The following LPCAT2 variants were observed in gnomAD, a reference collection of about 807,000 sequenced individuals.
LPCAT2 encodes lysophosphatidylcholine acyltransferase 2.
Under a neutral mutation model 64.7 loss-of-function variants are expected in LPCAT2, and 58 were observed. The ratio of observed to expected loss-of-function variants is 0.90; its 90% CI spans 0.73 to 1.12. LPCAT2 has a LOEUF of 1.12. Among genes scored for constraint, LPCAT2 ranks in the 50% most tolerant of loss-of-function variants. The pLI is 0.00. For missense variants in LPCAT2, 579 were observed against 669.8 expected (o/e 0.86, Z 1.50); for synonymous variants, 252 against 245.3 (o/e 1.03, Z -0.26).
intron 1 of LPCAT2, among the ~76,000 whole-genome samples, chr16:55,511,213 C>G: frequency 6.6e-6 from 1 of 152,046 alleles, no homozygotes; most frequent in Non-Finnish European, 1.5e-5. Context: ...TATATATTTT[C>G]TACAAAGTAT....
intron 8 of LPCAT2, chr16:55,539,220 C>T (rs1487087086): frequency 6.6e-5 from 10 of 150,512 alleles, no homozygotes; most frequent in Non-Finnish European, 1.2e-4. Context: ...CCATTATTAC[C>T]ACATTTCCTT....
At chr16:55,519,336 T>TAA (rs35728673) in intron 1 of LPCAT2, among the ~76,000 whole-genome samples, 20 of 138,796 alleles carry the variant, frequency 1.4e-4, no homozygotes, top group East Asian at 8.4e-4. Flanking sequence ...CCGTCTCTAC[T>TAA]AAAAAAAAAA....
rs138692490 is a variant in LPCAT2 at position 55,579,032 on chromosome 16, A to G, written c.1315-77A>G. On this transcript the variant is annotated intron_variant, in intron 12 of 13. Coordinates refer to ENST00000262134, the MANE Select transcript of LPCAT2 (RefSeq NM_017839.5). ...TGCCACAGTAGATGTTTGAATTATTAAAGACTTTATTTTCCAAGATTATTC... is the reference window on the plus strand; with the variant it reads ...TGCCACAGTAGATGTTTGAATTATTGAAGACTTTATTTTCCAAGATTATTC... The G allele has an allele frequency of 2.8e-4, 385 of 1,382,660 alleles. 2 individuals carry two copies. In the Middle Eastern group the frequency reaches 2.8e-3, roughly 10 times the overall value. The allele number at this position is 1,382,660 out of a possible 1,614,324, so 85.6% of individuals were successfully genotyped here.
intron 7 of LPCAT2, 98 bp downstream of exon 7, chr16:55,534,575 A>AG: frequency 1.7e-6 from 1 of 576,552 alleles, no homozygotes; most frequent in Non-Finnish European, 3.0e-6. Flanking sequence ...ATTATTTTAA[A>AG]AATATTGTTA....
chr16:55,543,635 T>C (rs1963421023), intron 8 of LPCAT2, among the ~76,000 whole-genome samples: 1 of 152,176 alleles, frequency 6.6e-6, no homozygotes, highest in African/African-American at 2.4e-5. Context: ...AAGATAGTTA[T>C]TCTAGATATA....
chr16:55,524,389 G>A (rs538522758), intron 1 of LPCAT2, among the ~76,000 whole-genome samples: 28 of 152,012 alleles, frequency 1.8e-4, no homozygotes, highest in Middle Eastern at 3.4e-3. Context: ...TCTAGCATTC[G>A]TTGCCTAAGA....
rs1963932186 is a variant in LPCAT2 at position 55,585,247 on chromosome 16, A to G, written c.*2149A>G. 6.6e-6 allele frequency: 1 copy of G among 152,222 alleles called. No individual in the cohort carries two copies. The highest frequency in any genetic ancestry group is 2.1e-4 in the South Asian group (1 of 4,834). The allele number at this position is 152,222 out of a possible 1,614,324, so 9.4% of individuals were successfully genotyped here. A position where few individuals can be genotyped will look rare whatever the true frequency, so the allele number is the denominator to read the frequency against. On this transcript the variant is annotated 3_prime_UTR_variant, in exon 14 of 14. Transcript: ENST00000262134. ...TATACCCTTTTAATATCATATGTTT[A>G]CATATTTATGAATGATTAATCATTT...
rs117801976 is a variant in LPCAT2, at chr16:55,514,261, C to T, written c.171+4909C>T. ...TAATTCTCAAGGCTATGCACATGTCCTGAAAATATCTAAAAATACCCTAAG... is the reference window on the plus strand; with the variant it reads ...TAATTCTCAAGGCTATGCACATGTCTTGAAAATATCTAAAAATACCCTAAG... On this transcript the variant is annotated intron_variant, in intron 1 of 13. Coordinates refer to ENST00000262134, the MANE Select transcript of LPCAT2 (RefSeq NM_017839.5). Among the ~76,000 whole-genome samples the T allele has an allele frequency of 8.9e-4, 135 of 152,122 alleles. 2 individuals carry two copies. The East Asian group carries it at 0.02, about 23-fold the overall frequency.
intron 1 of LPCAT2, among the ~76,000 whole-genome samples, chr16:55,516,756 G>A (rs1429190846): frequency 6.6e-6 from 1 of 152,140 alleles, no homozygotes; most frequent in Non-Finnish European, 1.5e-5. Context: ...TAAGGAAATT[G>A]AAGACTTGAA....
chr16:55,581,316 G>A (rs1029154082), intron 13 of LPCAT2, among the ~76,000 whole-genome samples: 1 of 152,106 alleles, frequency 6.6e-6, no homozygotes, highest in East Asian at 1.9e-4. Flanking sequence ...TTTCTATAAT[G>A]TATCCCTAGA....
chr16:55,560,394 T>A (rs1249914986), intron 11 of LPCAT2, among the ~76,000 whole-genome samples: 2 of 152,040 alleles, frequency 1.3e-5, no homozygotes, highest in African/African-American at 4.8e-5. Context: ...CTAGACGAGG[T>A]TCAGTTCCCC....
Position 55,528,610 on chromosome 16 carries a change from G to T in LPCAT2, c.529+16G>T, listed in dbSNP as rs762563928. ...CTGATTGGCAGTAAGTACTTGTAAG[G>T]TAACGTAGATAAAATATTTTCATGC... On this transcript the variant is annotated intron_variant, in intron 3 of 13. Coordinates refer to ENST00000262134, the MANE Select transcript of LPCAT2 (RefSeq NM_017839.5). The T allele has an allele frequency of 4.5e-6, 7 of 1,554,392 alleles. No individual in the cohort carries two copies. The highest frequency in any genetic ancestry group is 5.3e-6 in the Non-Finnish European group (6 of 1,127,946).
intron 7 of LPCAT2, among the ~76,000 whole-genome samples, chr16:55,534,770 A>T (rs1181253444): frequency 2.0e-5 from 3 of 152,108 alleles, no homozygotes; most frequent in South Asian, 4.1e-4. Context: ...TTTGCATCAT[A>T]GTTAGCTTTA....
chr16:55,557,196 T>C (rs1012699701), intron 11 of LPCAT2, among the ~76,000 whole-genome samples: 7 of 152,186 alleles, frequency 4.6e-5, no homozygotes, highest in Non-Finnish European at 8.8e-5. Context: ...TAATGATTAA[T>C]GCATTTTCAC....
chr16:55,534,568 A>T, intron 7 of LPCAT2, 91 bp downstream of exon 7: 1 of 616,846 alleles, frequency 1.6e-6, no homozygotes, highest in Non-Finnish European at 2.7e-6. Flanking sequence ...AAAAAGTATT[A>T]TTTTAAAAAT....
At chr16:55,544,360 C>T (rs1167253151) in intron 8 of LPCAT2, among the ~76,000 whole-genome samples, 1 of 152,056 alleles carries the variant, frequency 6.6e-6, no homozygotes, top group East Asian at 1.9e-4. Context: ...ATAAAATACC[C>T]AGCACACAGT....
At chr16:55,576,836 T>C (rs769359661) in intron 12 of LPCAT2, among the ~76,000 whole-genome samples, 61 of 152,032 alleles carry the variant, frequency 4.0e-4, no homozygotes, top group Non-Finnish European at 8.2e-4. Context: ...GTGAGGGAAA[T>C]TGAAGAGTTT....
intron 11 of LPCAT2, among the ~76,000 whole-genome samples, chr16:55,552,527 T>A (rs1963529283): frequency 6.6e-6 from 1 of 152,218 alleles, no homozygotes; most frequent in South Asian, 2.1e-4. Context: ...TTGCATTCAT[T>A]CTGAAGGATA....
intron 11 of LPCAT2, among the ~76,000 whole-genome samples, chr16:55,563,129 T>A (rs1263380855): frequency 2.6e-5 from 4 of 151,810 alleles, no homozygotes; most frequent in Non-Finnish European, 5.9e-5. Context: ...TTGCATAAGC[T>A]AGATGAAATT....
Sources: gnomAD v4.1 joint callset for allele counts (sites outside exome capture counted in the v4.1 genomes callset) on GRCh38, gnomAD v4.1.1 for gene constraint, MANE v1.5 for transcripts, NCBI Gene and HGNC (gene_info 2026-07-23, HGNC 2026-07-21) for gene names.